The following HSDL2 variants were observed in gnomAD, a reference collection of about 807,000 sequenced individuals.
The protein encoded by HSDL2 is hydroxysteroid dehydrogenase like 2.
Under a neutral mutation model 46.3 loss-of-function variants are expected in HSDL2, and 27 were observed. That is an observed-to-expected ratio of 0.58 (90% CI 0.43 to 0.80). The LOEUF (loss-of-function observed/expected upper bound fraction) is 0.80, where lower values mean the gene tolerates loss of function less well. Ranked by LOEUF, HSDL2 falls within the 30% of genes least tolerant of loss-of-function variation. The pLI is 0.00. For synonymous variants in HSDL2, 153 were observed against 163.6 expected, an observed-to-expected ratio of 0.94 and a Z score of 0.50; for missense variants, 451 against 502.7, an observed-to-expected ratio of 0.90 and a Z score of 0.98.
At chr9:112,380,331 C>T (rs1779501464) in intron 1 of HSDL2, 151 bp downstream of exon 1, 3 of 676,466 alleles carry the variant, frequency 4.4e-6, no homozygotes, top group Admixed American at 6.6e-5. Context: ...CCGCGCTGGG[C>T]ACTGTGCACC....
At chr9:112,389,251 T>A (rs1349074712) in intron 1 of HSDL2, among the ~76,000 whole-genome samples, 3 of 152,190 alleles carry the variant, frequency 2.0e-5, no homozygotes, top group Admixed American at 6.5e-5. Flanking sequence ...TTTCGACTTC[T>A]GGGCTCAAGT....
At chr9:112,403,930 T>C in intron 1 of HSDL2, 65 bp from the exon 2 acceptor site, 1 of 1,502,820 alleles carries the variant, frequency 6.7e-7, no homozygotes. Context: ...ATGCATGAGG[T>C]TCTGATACCT....
At chr9:112,440,938 G>C (rs756818668) in intron 7 of HSDL2, among the ~76,000 whole-genome samples, 7 of 152,202 alleles carry the variant, frequency 4.6e-5, no homozygotes, top group Non-Finnish European at 1.0e-4. Flanking sequence ...AACCTGGGAG[G>C]CAGAGGGTGC....
At chr9:112,406,466 G>A (rs775024141) in intron 3 of HSDL2, among the ~76,000 whole-genome samples, 14 of 151,828 alleles carry the variant, frequency 9.2e-5, no homozygotes, top group East Asian at 1.9e-4. Flanking sequence ...TTCTTTCTCT[G>A]ATTTCTTTTT....
intron 3 of HSDL2, among the ~76,000 whole-genome samples, chr9:112,407,779 C>A (rs1398229000): frequency 6.6e-6 from 1 of 152,126 alleles, no homozygotes; most frequent in African/African-American, 2.4e-5. Flanking sequence ...AATTTACCAT[C>A]CTATTTTTAA....
At chr9:112,404,533 C>T (rs1358417032) in intron 2 of HSDL2, among the ~76,000 whole-genome samples, 1 of 149,450 alleles carries the variant, frequency 6.7e-6, no homozygotes, top group African/African-American at 2.5e-5. Context: ...GACTCCATCT[C>T]TTAAAAAAAA....
intron 6 of HSDL2, among the ~76,000 whole-genome samples, chr9:112,420,012 T>G (rs907223499): frequency 2.6e-5 from 4 of 152,200 alleles, no homozygotes; most frequent in Non-Finnish European, 5.9e-5. Context: ...TAGTGGGTAA[T>G]GCCCATGAAA....
chr9:112,455,989 G>C, intron 9 of HSDL2, among the ~76,000 whole-genome samples: 1 of 152,176 alleles, frequency 6.6e-6, no homozygotes, highest in East Asian at 1.9e-4. Context: ...CAGCAGGTCT[G>C]GAGTGGAGTC....
chr9:112,459,519 T>C lies in HSDL2; in HGVS notation c.1086T>C (p.Ser362=), dbSNP rs1034838144. The C allele has an allele frequency of 5.6e-6, 9 of 1,614,012 alleles. No individual in the cohort carries two copies. The highest frequency in any genetic ancestry group is 7.6e-6 in the Non-Finnish European group (9 of 1,179,818). Residue 362 remains serine, a synonymous_variant, in exon 10 of 11, where the codon TCT becomes TCC. Transcript: ENST00000398805. ...GGAATGTCGGATATGGAGAGCCTTC[T>C]GATCAGGCAGATGTGGTGATGAGTA... is the stretch of plus-strand genomic sequence containing the variant. ...KGGNVGYGEP[S]DQADVVMSMT...
In HSDL2 at chr9:112,447,766, G is replaced by C. The variant is rs575400317; in HGVS notation, c.865+5996G>C. Among the ~76,000 whole-genome samples the C allele has an allele frequency of 2.0e-5, 3 of 152,218 alleles. No homozygotes were observed. In the South Asian group the frequency reaches 6.2e-4, roughly 32 times the overall value. Reference sequence around the variant, plus strand: ...TATTACTCAGTGGATAAAATTGCAGGCTCTGGAGTCAGACTGCCTGGATTT... The same window carrying C: ...TATTACTCAGTGGATAAAATTGCAGCCTCTGGAGTCAGACTGCCTGGATTT... On this transcript the variant is annotated intron_variant, in intron 8 of 10. Coordinates refer to ENST00000398805, the MANE Select transcript of HSDL2 (RefSeq NM_032303.5).
At chr9:112,390,778 C>G (rs921958501) in intron 1 of HSDL2, among the ~76,000 whole-genome samples, 13 of 151,934 alleles carry the variant, frequency 8.6e-5, no homozygotes, top group Middle Eastern at 3.2e-3. Context: ...AAAGGGTAAA[C>G]CATAAAACTT....
At chr9:112,397,250 T>C (rs1831477784) in intron 1 of HSDL2, among the ~76,000 whole-genome samples, 1 of 152,174 alleles carries the variant, frequency 6.6e-6, no homozygotes, top group African/African-American at 2.4e-5. Context: ...AGAATAGCTT[T>C]GTGGGTCCCT....
At chr9:112,391,974 G>A (rs1276348837) in intron 1 of HSDL2, among the ~76,000 whole-genome samples, 1 of 152,008 alleles carries the variant, frequency 6.6e-6, no homozygotes, top group Non-Finnish European at 1.5e-5. Context: ...CCTGCCCCAA[G>A]TATTTCAACA....
intron 1 of HSDL2, among the ~76,000 whole-genome samples, chr9:112,396,158 A>G (rs1324569929): frequency 2.0e-5 from 3 of 152,170 alleles, no homozygotes; most frequent in Non-Finnish European, 4.4e-5. Context: ...GTGCCAGCAA[A>G]TCTCTACCCC....
intron 8 of HSDL2, among the ~76,000 whole-genome samples, chr9:112,445,177 C>G (rs567794506): frequency 6.6e-6 from 1 of 152,228 alleles, no homozygotes; most frequent in Admixed American, 6.5e-5. Flanking sequence ...TGGCGCTGGG[C>G]CTATTTTCCT....
rs1833594592 is a variant in HSDL2 at position 112,472,238 on chromosome 9, C to T, written c.*1694C>T. 4.6e-5 allele frequency: 7 copies of T among 152,334 alleles called. No individual in the cohort carries two copies. The South Asian group carries it at 1.4e-3, about 32-fold the overall frequency. 9.4% of individuals were successfully genotyped at this position (152,334 alleles called of 1,614,324 possible). On this transcript the variant is annotated 3_prime_UTR_variant, in exon 11 of 11. Coordinates refer to ENST00000398805, the MANE Select transcript of HSDL2 (RefSeq NM_032303.5). ...ACACAAGGAACGTAACCTGAAGTAA[C>T]CTGATGTTAACCAATCTGCTGTGTC...
At chr9:112,425,664 T>C (rs1832227384) in intron 6 of HSDL2, among the ~76,000 whole-genome samples, 1 of 152,226 alleles carries the variant, frequency 6.6e-6, no homozygotes, top group African/African-American at 2.4e-5. Flanking sequence ...AGCATACTTA[T>C]TCTGTATTCC....
At chr9:112,419,502 A>T (rs1488640295) in intron 6 of HSDL2, among the ~76,000 whole-genome samples, 1 of 152,130 alleles carries the variant, frequency 6.6e-6, no homozygotes, top group Non-Finnish European at 1.5e-5. Context: ...AGGAACATTG[A>T]CCACCGGAAC....
intron 6 of HSDL2, among the ~76,000 whole-genome samples, chr9:112,427,117 C>T (rs571986539): frequency 2.6e-5 from 4 of 152,252 alleles, no homozygotes; most frequent in South Asian, 2.1e-4. Flanking sequence ...TGCAGTGGCA[C>T]GATCTCAGCC....
Sources: gnomAD v4.1 joint callset for allele counts (sites outside exome capture counted in the v4.1 genomes callset) on GRCh38, gnomAD v4.1.1 for gene constraint, MANE v1.5 for transcripts, NCBI Gene and HGNC (gene_info 2026-07-23, HGNC 2026-07-21) for gene names.